The following NUFIP1 variants were observed in gnomAD, a reference collection of about 807,000 sequenced individuals.
NUFIP1 encodes the protein FMR1-interacting protein NUFIP1.
A neutral mutation model predicts 56.2 loss-of-function variants in NUFIP1; 38 were observed. The ratio of observed to expected loss-of-function variants is 0.68; its 90% CI spans 0.52 to 0.89. The LOEUF (loss-of-function observed/expected upper bound fraction) is 0.89. NUFIP1 is among the 40% of genes least tolerant of loss of function. NUFIP1 has a pLI of 0.00. For synonymous variants in NUFIP1, 215 were observed against 212.4 expected, an observed-to-expected ratio of 1.01 and a Z score of -0.10; for missense variants, 567 against 605.8, an observed-to-expected ratio of 0.94 and a Z score of 0.67.
At chr13:44,977,825 G>C (rs1872036492) in intron 5 of NUFIP1, among the ~76,000 whole-genome samples, 1 of 152,194 alleles carries the variant, frequency 6.6e-6, no homozygotes, top group Non-Finnish European at 1.5e-5. Flanking sequence ...GAGACAGGTA[G>C]ATCACTTGAG....
At chr13:44,965,276 G>A (rs1471525140) in intron 6 of NUFIP1, among the ~76,000 whole-genome samples, 2 of 152,198 alleles carry the variant, frequency 1.3e-5, no homozygotes, top group African/African-American at 4.8e-5. Context: ...CCCCAGCCAC[G>A]TGGAACTGTA....
intron 6 of NUFIP1, among the ~76,000 whole-genome samples, chr13:44,960,415 C>T (rs1871384312): frequency 6.6e-6 from 1 of 151,418 alleles, no homozygotes; most frequent in Non-Finnish European, 1.5e-5. Flanking sequence ...ACTACAGGCA[C>T]CCACCATCAG....
chr13:44,951,800 TA>T (rs1871092619), intron 7 of NUFIP1, among the ~76,000 whole-genome samples: 1 of 152,218 alleles, frequency 6.6e-6, no homozygotes, highest in Non-Finnish European at 1.5e-5. Context: ...CATTATGTCT[TA>T]AAAAATGTAC....
Position 44,949,667 on chromosome 13 carries a change from C to A in NUFIP1, c.1138+55G>T. The A allele has an allele frequency of 2.7e-6, 3 of 1,126,946 alleles. No homozygotes were observed. The South Asian group carries it at 4.5e-5, about 17-fold the overall frequency. 69.8% of individuals were successfully genotyped at this position (1,126,946 alleles called of 1,614,324 possible). A position where few individuals can be genotyped will look rare whatever the true frequency, so the allele number is the denominator to read the frequency against. ...GGATGTTATTAATGCGCAGCATGCA[C>A]AAAAGGCAAAAAGCAACAAAACAAA... On this transcript the variant is annotated intron_variant, in intron 8 of 9. Coordinates refer to ENST00000379161, the MANE Select transcript of NUFIP1 (RefSeq NM_012345.3).
In NUFIP1 at chr13:44,974,998, T is replaced by C. The variant is rs76973489; in HGVS notation, c.734+4192A>G. Among the ~76,000 whole-genome samples the C allele has an allele frequency of 5.5e-3, 832 of 152,210 alleles. 7 individuals carry two copies. The highest frequency in any genetic ancestry group is 0.019 in the African/African-American group (784 of 41,502). ...TGTCTCAACATCAGTCACTTTTAGT[T>C]TTTGTTTTATTTGACCTTTCCATCG... On this transcript the variant is annotated intron_variant, in intron 5 of 9. Coordinates refer to ENST00000379161, the MANE Select transcript of NUFIP1 (RefSeq NM_012345.3).
At chr13:44,953,479 C>T (rs1487399457) in intron 7 of NUFIP1, among the ~76,000 whole-genome samples, 4 of 152,062 alleles carry the variant, frequency 2.6e-5, no homozygotes, top group Admixed American at 2.6e-4. Flanking sequence ...GTCCCTCCTC[C>T]CCCACATTTA....
chr13:44,959,788 C>T (rs533646159), intron 6 of NUFIP1, among the ~76,000 whole-genome samples: 6 of 152,232 alleles, frequency 3.9e-5, no homozygotes, highest in Non-Finnish European at 5.9e-5. Flanking sequence ...CCACAATATA[C>T]CACACCTTCT....
At position 44,980,618 on chromosome 13, in the gene NUFIP1, A is replaced by G; in HGVS notation, c.594+104T>C. 4.8e-6 allele frequency: 4 copies of G among 830,228 alleles called. No homozygotes were observed. In the South Asian group the frequency reaches 6.4e-5, roughly 13 times the overall value. The allele number at this position is 830,228 out of a possible 1,614,324, so 51.4% of individuals were successfully genotyped here. On this transcript the variant is annotated intron_variant, in intron 3 of 9. Coordinates refer to ENST00000379161, the MANE Select transcript of NUFIP1 (RefSeq NM_012345.3). ...AAGTTGTCAAACTATATCTCTACAG[A>G]AACTATAAACTTTAAAGGAAAACAA...
intron 4 of NUFIP1, 75 bp from the exon 5 acceptor site, chr13:44,979,341 A>G: frequency 3.4e-6 from 4 of 1,181,196 alleles, no homozygotes; most frequent in Non-Finnish European, 3.7e-6. Context: ...CTTTGTTTCT[A>G]CAAGTAAACT....
intron 6 of NUFIP1, 110 bp downstream of exon 6, chr13:44,965,734 C>T: frequency 2.3e-6 from 1 of 443,688 alleles, no homozygotes; most frequent in Non-Finnish European, 3.8e-6. Context: ...ATAAATTTAT[C>T]TTTTTAAGTA....
intron 8 of NUFIP1, 67 bp downstream of exon 8, chr13:44,949,655 G>A: frequency 1.1e-6 from 1 of 884,252 alleles, no homozygotes; most frequent in Non-Finnish European, 1.8e-6. Context: ...TGTTATTAAT[G>A]CGCAGCATGC....
At chr13:44,971,204 C>T (rs989166382) in intron 5 of NUFIP1, among the ~76,000 whole-genome samples, 1 of 152,140 alleles carries the variant, frequency 6.6e-6, no homozygotes, top group African/African-American at 2.4e-5. Context: ...ATTTTCAGAG[C>T]ACTTACTAAA....
chr13:44,949,925 A>T, intron 7 of NUFIP1, 87 bp from the exon 8 acceptor site: 2 of 843,880 alleles, frequency 2.4e-6, no homozygotes. Flanking sequence ...AGTGAAAATT[A>T]AGTAATTTCT....
At position 44,939,569 on chromosome 13, in the gene NUFIP1, T is replaced by A. The variant is rs1390823444; in HGVS notation, c.*1637A>T. On this transcript the variant is annotated 3_prime_UTR_variant, in exon 10 of 10. Coordinates refer to ENST00000379161, the MANE Select transcript of NUFIP1 (RefSeq NM_012345.3). ...AGAATATTTACAAATATTGACCATA[T>A]AATTCCATAAAGTAGAAACCATACA... 1 of 152,184 alleles carries A rather than the reference T, an allele frequency of 6.6e-6. No individual in the cohort carries two copies. The allele number at this position is 152,184 out of a possible 1,614,324, so 9.4% of individuals were successfully genotyped here.
intron 8 of NUFIP1, 136 bp downstream of exon 8, chr13:44,949,581 AACTTT>A (rs1347404234): frequency 1.2e-5 from 7 of 585,620 alleles, no homozygotes; most frequent in African/African-American, 1.9e-5. Context: ...AACCCATGTT[AACTTT>A]ACTTCTGATT....
At chr13:44,949,199 ATTTTTTTTT>A (rs11421255) in intron 8 of NUFIP1, among the ~76,000 whole-genome samples, 1 of 112,648 alleles carries the variant, frequency 8.9e-6, no homozygotes, top group Non-Finnish European at 1.7e-5. Flanking sequence ...ATTATATTGT[ATTTTTTTTT>A]TTTTTTTTTT....
chr13:44,969,810 C>T (rs537664825), intron 5 of NUFIP1, among the ~76,000 whole-genome samples: 1 of 152,316 alleles, frequency 6.6e-6, no homozygotes, highest in Admixed American at 6.5e-5. Context: ...TTTCCTTATG[C>T]TCAAATCACG....
chr13:44,941,649 G>A (rs1870741746), intron 9 of NUFIP1, among the ~76,000 whole-genome samples: 2 of 152,020 alleles, frequency 1.3e-5, no homozygotes, highest in African/African-American at 4.8e-5. Context: ...GAGTAGCTGG[G>A]ACTACAGACA....
At chr13:44,948,193 A>C (rs1027825995) in intron 8 of NUFIP1, among the ~76,000 whole-genome samples, 1 of 129,272 alleles carries the variant, frequency 7.7e-6, no homozygotes, top group African/African-American at 3.2e-5. Flanking sequence ...CCCGGGCTGG[A>C]GTACAGTGGC....
Sources: allele counts gnomAD v4.1 joint callset (sites outside exome capture counted in the v4.1 genomes callset), GRCh38; gene constraint gnomAD v4.1.1; transcripts MANE v1.5; gene names NCBI Gene and HGNC (gene_info 2026-07-23, HGNC 2026-07-21).